COP1: variants seen among roughly 807,000 people sequenced by gnomAD.
The protein encoded by COP1 is E3 ubiquitin-protein ligase COP1.
A neutral mutation model predicts 101.3 loss-of-function variants in COP1; 24 were observed. The observed-to-expected ratio is 0.24, with a 90% CI of 0.17 to 0.33. COP1 has a LOEUF of 0.33. Among genes scored for constraint, COP1 ranks in the 10% least tolerant of loss-of-function variants. The pLI is 1.00. For missense variants in COP1, 663 were observed against 906.2 expected (o/e 0.73, Z 3.45); for synonymous variants, 347 against 341.9 (o/e 1.01, Z -0.17).
At chr1:176,131,640 C>T (rs539940460) in intron 8 of COP1, among the ~76,000 whole-genome samples, 1 of 151,578 alleles carries the variant, frequency 6.6e-6, no homozygotes, top group Admixed American at 6.6e-5. Flanking sequence ...GCTAATAATT[C>T]TGAAAGAAAA....
intron 11 of COP1, among the ~76,000 whole-genome samples, chr1:176,071,893 A>C (rs1434085368): frequency 6.6e-6 from 1 of 152,206 alleles, no homozygotes; most frequent in Non-Finnish European, 1.5e-5. Context: ...TTCACTCTGT[A>C]CTACTGACAA....
In COP1 at chr1:176,076,926, T is replaced by C. The variant is rs75154054; in HGVS notation, c.1277+4226A>G. 2.8e-4 allele frequency among the ~76,000 whole-genome samples: 43 copies of C among 152,172 alleles called. No individual in the cohort carries two copies. The East Asian group carries it at 7.5e-3, about 27-fold the overall frequency. ...TCCCAAGATTCAAACAATAAGAAAG[T>C]GAAAATCTGAACTGACCAGTAACAA... On this transcript the variant is annotated intron_variant, in intron 11 of 19. Coordinates refer to ENST00000367669, the MANE Select transcript of COP1 (RefSeq NM_022457.7).
intron 10 of COP1, among the ~76,000 whole-genome samples, chr1:176,084,774 A>G (rs187219124): frequency 2.8e-4 from 43 of 152,350 alleles, no homozygotes; most frequent in Non-Finnish European, 2.5e-4. Flanking sequence ...AGCAATATGT[A>G]GATTATAAAT....
At chr1:176,089,130 G>C (rs916484559) in intron 9 of COP1, among the ~76,000 whole-genome samples, 2 of 151,724 alleles carry the variant, frequency 1.3e-5, no homozygotes, top group African/African-American at 4.8e-5. Flanking sequence ...GTGAAACCCC[G>C]TCTCTACTAA....
intron 11 of COP1, among the ~76,000 whole-genome samples, chr1:176,066,260 C>T (rs886478364): frequency 6.6e-6 from 1 of 152,118 alleles, no homozygotes; most frequent in Non-Finnish European, 1.5e-5. Flanking sequence ...TTATGAACCT[C>T]CCTCACCTCT....
chr1:176,173,986 CAAAAAAAAAAAA>C (rs1212803591), intron 3 of COP1, among the ~76,000 whole-genome samples: 1 of 49,062 alleles, frequency 2.0e-5, no homozygotes, highest in Admixed American at 3.5e-4. Context: ...GATGCTGTCT[CAAAAAAAAAAAA>C]AAAAAAAAAA....
chr1:176,050,980 GAAT>G (rs1210514770), intron 11 of COP1, among the ~76,000 whole-genome samples: 1 of 151,778 alleles, frequency 6.6e-6, no homozygotes, highest in Non-Finnish European at 1.5e-5. Context: ...TAATAACACA[GAAT>G]AATAATATAC....
chr1:176,042,144 A>G (rs1005807656), intron 14 of COP1, among the ~76,000 whole-genome samples: 2 of 151,058 alleles, frequency 1.3e-5, no homozygotes, highest in Non-Finnish European at 2.9e-5. Flanking sequence ...GGCGGTGCAC[A>G]CCTATAATCC....
chr1:176,065,128 T>C (rs1325038732), intron 11 of COP1, among the ~76,000 whole-genome samples: 1 of 152,230 alleles, frequency 6.6e-6, no homozygotes, highest in Non-Finnish European at 1.5e-5. Context: ...ATTCATTTTA[T>C]TCCAGTGCCT....
intron 14 of COP1, among the ~76,000 whole-genome samples, chr1:176,038,174 T>C (rs188487547): frequency 3.3e-5 from 5 of 152,250 alleles, no homozygotes; most frequent in Admixed American, 2.0e-4. Flanking sequence ...CCATTTTCAT[T>C]AGCACCAAAA....
intron 18 of COP1, among the ~76,000 whole-genome samples, chr1:175,973,604 T>C (rs1245124135): frequency 6.6e-6 from 1 of 152,216 alleles, no homozygotes; most frequent in African/African-American, 2.4e-5. Context: ...TTGAAAAATA[T>C]AATGGTTGCC....
Position 175,994,517 on chromosome 1 carries a change from A to C in COP1, c.1730-5038T>G, listed in dbSNP as rs1659574139. Among the ~76,000 whole-genome samples the C allele has an allele frequency of 5.9e-5, 9 of 152,348 alleles. No individual in the cohort carries two copies. In the South Asian group the frequency reaches 1.9e-3, roughly 32 times the overall value. On this transcript the variant is annotated intron_variant, in intron 15 of 19. Coordinates refer to ENST00000367669, the MANE Select transcript of COP1 (RefSeq NM_022457.7). ...GGAAACCCGTCTCACGTGCAGAGAC[A>C]CACATAGGCTCAAAATAAAAGGATG...
chr1:175,964,728 T>A (rs997007537), intron 18 of COP1, among the ~76,000 whole-genome samples: 5 of 152,222 alleles, frequency 3.3e-5, no homozygotes, highest in African/African-American at 1.2e-4. Flanking sequence ...ACATACAGTA[T>A]CTGCAAATAC....
intron 1 of COP1, among the ~76,000 whole-genome samples, chr1:176,200,554 A>G (rs931458061): frequency 6.6e-6 from 1 of 152,216 alleles, no homozygotes; most frequent in Non-Finnish European, 1.5e-5. Context: ...TGGATTCCCA[A>G]TGGTTACACC....
intron 18 of COP1, among the ~76,000 whole-genome samples, chr1:175,958,445 AAAAG>A (rs975107368): frequency 7.2e-5 from 11 of 152,000 alleles, no homozygotes; most frequent in African/African-American, 2.7e-4. Context: ...TGAATTATCA[AAAAG>A]AAAGGTAAAT....
At chr1:176,094,966 T>G (rs1682062546) in intron 9 of COP1, among the ~76,000 whole-genome samples, 1 of 152,102 alleles carries the variant, frequency 6.6e-6, no homozygotes, top group East Asian at 1.9e-4. Context: ...TATAATAAAA[T>G]AAGTAACTTA....
intron 6 of COP1, among the ~76,000 whole-genome samples, chr1:176,143,146 A>AGAG (rs1553286862): frequency 9.5e-4 from 63 of 66,602 alleles, no homozygotes; most frequent in African/African-American, 2.8e-3. Context: ...GAGCGAGAGA[A>AGAG]AGAGAGAGAG....
At chr1:176,089,951 C>G (rs1335447537) in intron 9 of COP1, among the ~76,000 whole-genome samples, 1 of 152,180 alleles carries the variant, frequency 6.6e-6, no homozygotes, top group Non-Finnish European at 1.5e-5. Context: ...CTTCCCCTTC[C>G]AGGCCCTCCC....
At chr1:176,165,451 T>C (rs1694988001) in intron 3 of COP1, among the ~76,000 whole-genome samples, 1 of 149,272 alleles carries the variant, frequency 6.7e-6, no homozygotes, top group Admixed American at 6.7e-5. Flanking sequence ...TCCCAGCACT[T>C]TGGGAGGCCA....
Sources: gnomAD v4.1 joint callset for allele counts (sites outside exome capture counted in the v4.1 genomes callset) on GRCh38, gnomAD v4.1.1 for gene constraint, MANE v1.5 for transcripts, NCBI Gene and HGNC (gene_info 2026-07-23, HGNC 2026-07-21) for gene names.